Variants in MEGF11 observed in about 807,000 individuals in gnomAD.
The protein encoded by MEGF11 is multiple epidermal growth factor-like domains protein 11.
MEGF11 carries 126 observed loss-of-function variants against 146.6 expected under a neutral mutation model. That is an observed-to-expected ratio of 0.86 (90% CI 0.74 to 1.00). MEGF11 has a LOEUF of 1.00. Ranked by LOEUF, MEGF11 falls within the 50% of genes least tolerant of loss-of-function variation. MEGF11 has a pLI of 0.00. For missense variants in MEGF11, 1,509 were observed against 1,521.2 expected, an observed-to-expected ratio of 0.99 and a Z score of 0.13; for synonymous variants, 532 against 583.4, an observed-to-expected ratio of 0.91 and a Z score of 1.27.
chr15:65,898,323 G>T (rs1474936650), intron 25 of MEGF11: 4 of 985,300 alleles, frequency 4.1e-6, no homozygotes, highest in Non-Finnish European at 4.8e-6. Flanking sequence ...ATATCCTAGA[G>T]GTAGGAGTCT....
chr15:66,118,154 G>T (rs1001085437), intron 4 of MEGF11, among the ~76,000 whole-genome samples: 1 of 152,144 alleles, frequency 6.6e-6, no homozygotes, highest in Non-Finnish European at 1.5e-5. Context: ...GGGCCTCCCA[G>T]CTCCTCTGAC....
chr15:66,202,193 T>C (rs1378874817), intron 1 of MEGF11, among the ~76,000 whole-genome samples: 4 of 152,002 alleles, frequency 2.6e-5, no homozygotes, highest in African/African-American at 7.3e-5. Flanking sequence ...ATACCTTACC[T>C]GTGCACACCC....
chr15:66,027,684 G>A (rs148671146), intron 5 of MEGF11, among the ~76,000 whole-genome samples: 430 of 152,256 alleles, frequency 2.8e-3, no homozygotes, highest in Admixed American at 3.5e-3. Flanking sequence ...CAAATCTTGG[G>A]TGGGGGTGGC....
intron 5 of MEGF11, among the ~76,000 whole-genome samples, chr15:66,067,516 C>T (rs1327708920): frequency 6.6e-6 from 1 of 152,238 alleles, no homozygotes; most frequent in East Asian, 1.9e-4. Flanking sequence ...ATCCAGCTCT[C>T]CTGCTGCAGC....
At chr15:66,078,566 C>T (rs1035532969) in intron 5 of MEGF11, among the ~76,000 whole-genome samples, 1 of 152,250 alleles carries the variant, frequency 6.6e-6, no homozygotes, top group Admixed American at 6.5e-5. Context: ...TGAGATGCAC[C>T]TTCTCCCTCT....
chr15:66,071,150 TC>T (rs1425736614), intron 5 of MEGF11, among the ~76,000 whole-genome samples: 2 of 151,976 alleles, frequency 1.3e-5, no homozygotes, highest in Non-Finnish European at 2.9e-5. Flanking sequence ...AACTGTCCTC[TC>T]CCTCCCCGCC....
intron 4 of MEGF11, among the ~76,000 whole-genome samples, chr15:66,099,179 C>G (rs1451449556): frequency 6.6e-6 from 1 of 150,768 alleles, no homozygotes; most frequent in East Asian, 2.0e-4. Context: ...AGAGCCACTC[C>G]CCATCCCTCC....
At chr15:66,239,156 C>T (rs964697277) in intron 1 of MEGF11, among the ~76,000 whole-genome samples, 35 of 152,318 alleles carry the variant, frequency 2.3e-4, no homozygotes, top group Admixed American at 4.6e-4. Context: ...GAAGGACATT[C>T]TCCTCTCTGA....
intron 1 of MEGF11, among the ~76,000 whole-genome samples, chr15:66,206,308 G>A (rs1031790468): frequency 4.6e-5 from 7 of 152,060 alleles, no homozygotes; most frequent in Admixed American, 3.9e-4. Context: ...TATAACATCT[G>A]TGTCATCAGA....
intron 1 of MEGF11, among the ~76,000 whole-genome samples, chr15:66,137,332 T>C (rs978742851): frequency 1.3e-5 from 2 of 152,216 alleles, no homozygotes; most frequent in Non-Finnish European, 2.9e-5. Flanking sequence ...AAGATTATTA[T>C]GTGTAAATTC....
intron 4 of MEGF11, among the ~76,000 whole-genome samples, chr15:66,095,944 C>A (rs1006089094): frequency 1.3e-5 from 2 of 152,196 alleles, no homozygotes; most frequent in Non-Finnish European, 2.9e-5. Context: ...CCACTTAGAA[C>A]CACAATGTGC....
At chr15:66,165,758 C>T (rs2090081119) in intron 1 of MEGF11, among the ~76,000 whole-genome samples, 1 of 152,188 alleles carries the variant, frequency 6.6e-6, no homozygotes, top group Non-Finnish European at 1.5e-5. Flanking sequence ...TTCAGAGGCC[C>T]CCATGACAAG....
intron 5 of MEGF11, among the ~76,000 whole-genome samples, chr15:66,022,233 GATTC>G (rs1462791912): frequency 1.3e-5 from 2 of 152,226 alleles, no homozygotes; most frequent in Non-Finnish European, 2.9e-5. Flanking sequence ...GTCTGCTGGC[GATTC>G]CATCAGATGT....
intron 5 of MEGF11, among the ~76,000 whole-genome samples, chr15:66,026,678 C>CG (rs1053057758): frequency 2.0e-5 from 3 of 151,288 alleles, no homozygotes; most frequent in African/African-American, 7.3e-5. Flanking sequence ...TTAGTAGAGA[C>CG]GGGGTTTCAC....
intron 5 of MEGF11, among the ~76,000 whole-genome samples, chr15:66,073,816 G>A (rs1023821162): frequency 3.9e-5 from 6 of 152,226 alleles, no homozygotes; most frequent in African/African-American, 1.4e-4. Flanking sequence ...CAGACCCATA[G>A]TGGGTGCTCA....
At chr15:65,933,802 T>C (rs1223036909) in intron 10 of MEGF11, among the ~76,000 whole-genome samples, 1 of 152,168 alleles carries the variant, frequency 6.6e-6, no homozygotes, top group Admixed American at 6.5e-5. Context: ...CATGTGACCA[T>C]AGGCAATTTA....
intron 10 of MEGF11, 99 bp from the exon 11 acceptor site, chr15:65,931,042 G>T: frequency 1.5e-6 from 2 of 1,332,502 alleles, no homozygotes; most frequent in Non-Finnish European, 9.9e-7. Context: ...ACATGTCCAT[G>T]TCCTAATCCC....
chr15:66,128,583 A>G, intron 1 of MEGF11, 172 bp from the exon 2 acceptor site: 1 of 422,210 alleles, frequency 2.4e-6, no homozygotes, highest in Non-Finnish European at 4.1e-6. Flanking sequence ...AGCCTGAGTC[A>G]GGAAAAAGTC....
rs140401453 is a variant in MEGF11 at position 66,141,847 on chromosome 15, C to T, written c.-8-13436G>A. Among the ~76,000 whole-genome samples the T allele has an allele frequency of 2.3e-3, 357 of 152,174 alleles. 3 individuals carry two copies. The highest frequency in any genetic ancestry group is 9.6e-3 in the South Asian group (46 of 4,816). On this transcript the variant is annotated intron_variant, in intron 1 of 25. Coordinates refer to ENST00000395614, the MANE Select transcript of MEGF11 (RefSeq NM_001385028.1). ...GGCCTAACATCATCTTTAAATGAGCCGATTGTGCCTCAGCTGTGCTTTGAG... is the reference window on the plus strand; with the variant it reads ...GGCCTAACATCATCTTTAAATGAGCTGATTGTGCCTCAGCTGTGCTTTGAG...
Sources: gnomAD v4.1 joint callset for allele counts (sites outside exome capture counted in the v4.1 genomes callset) on GRCh38, gnomAD v4.1.1 for gene constraint, MANE v1.5 for transcripts, NCBI Gene and HGNC (gene_info 2026-07-23, HGNC 2026-07-21) for gene names.